NEBL: variants seen among roughly 807,000 people sequenced by gnomAD.
NEBL encodes LIM and SH3 protein 2.
A neutral mutation model predicts 140.2 loss-of-function variants in NEBL; 122 were observed. That is an observed-to-expected ratio of 0.87 (90% CI 0.75 to 1.01). The LOEUF (loss-of-function observed/expected upper bound fraction) is 1.01, where lower values mean the gene tolerates loss of function less well. Ranked by LOEUF, NEBL falls within the 50% of genes least tolerant of loss-of-function variation. The pLI is 0.00. For missense variants in NEBL, 1,365 were observed against 1,231.3 expected, an observed-to-expected ratio of 1.11 and a Z score of -1.62; for synonymous variants, 436 against 398.9, an observed-to-expected ratio of 1.09 and a Z score of -1.11.
intron 3 of NEBL, among the ~76,000 whole-genome samples, chr10:20,980,298 G>T (rs1337076528): frequency 6.7e-6 from 1 of 148,798 alleles, no homozygotes; most frequent in East Asian, 2.0e-4. Flanking sequence ...GTTTCTTTTT[G>T]TTCAGAAACA....
intron 2 of NEBL, among the ~76,000 whole-genome samples, chr10:21,251,361 A>G (rs190655668): frequency 6.6e-6 from 1 of 152,294 alleles, no homozygotes; most frequent in Admixed American, 6.5e-5. Context: ...TAGCCAGTTA[A>G]TGGTATCTCA....
At chr10:20,841,141 A>T (rs1841379923) in intron 12 of NEBL, among the ~76,000 whole-genome samples, 3 of 152,048 alleles carry the variant, frequency 2.0e-5, no homozygotes, top group Admixed American at 2.0e-4. Context: ...GGTGAGGAAG[A>T]TCTTAAGAAC....
chr10:20,893,288 A>T (rs1488597321), intron 2 of NEBL, among the ~76,000 whole-genome samples: 2 of 152,192 alleles, frequency 1.3e-5, no homozygotes, highest in Non-Finnish European at 2.9e-5. Flanking sequence ...TAACTTATTC[A>T]AGGGATTGAT....
chr10:20,808,463 C>CT, intron 26 of NEBL, 47 bp downstream of exon 26: 1 of 1,597,438 alleles, frequency 6.3e-7, no homozygotes, highest in South Asian at 1.1e-5. Context: ...TTGTGACACA[C>CT]TTAAAAAATG....
intron 3 of NEBL, among the ~76,000 whole-genome samples, chr10:20,998,657 G>T (rs1306152208): frequency 6.6e-6 from 1 of 152,040 alleles, no homozygotes; most frequent in Admixed American, 6.6e-5. Flanking sequence ...AGATGGCCAG[G>T]AAGAATAGAA....
chr10:21,229,369 C>T (rs771489008), intron 3 of NEBL, among the ~76,000 whole-genome samples: 5 of 152,208 alleles, frequency 3.3e-5, no homozygotes, highest in East Asian at 1.9e-4. Flanking sequence ...TGCAATGAGC[C>T]GTGATCATGC....
At chr10:20,897,415 C>G, upstream of NEBL, 6 of 1,313,404 alleles carry the variant, frequency 4.6e-6, no homozygotes, top group South Asian at 7.4e-5. Flanking sequence ...AGGCTGGCCT[C>G]ACAAGTGGAA....
chr10:21,190,096 T>C (rs1841548010), intron 3 of NEBL, among the ~76,000 whole-genome samples: 1 of 152,320 alleles, frequency 6.6e-6, no homozygotes, highest in East Asian at 1.9e-4. Context: ...TAGGATATCA[T>C]GGATAATTCA....
chr10:20,785,495 G>A lies in NEBL; in HGVS notation c.*252C>T, dbSNP rs754014348. ...CAGAAGGGTTCAATAGCCAATCAAAGGAAACCATGAACACAATTAGCAGCA... is the reference window on the plus strand; with the variant it reads ...CAGAAGGGTTCAATAGCCAATCAAAAGAAACCATGAACACAATTAGCAGCA... On this transcript the variant is annotated 3_prime_UTR_variant, in exon 28 of 28. Transcript: ENST00000377122. The A allele has an allele frequency of 4.4e-5, 23 of 527,812 alleles. No homozygotes were observed. In the East Asian group the frequency reaches 7.9e-4, roughly 18 times the overall value. 32.7% of individuals were successfully genotyped at this position (527,812 alleles called of 1,614,324 possible).
chr10:21,089,981 T>G (rs1836836592), intron 2 of NEBL, among the ~76,000 whole-genome samples: 1 of 152,174 alleles, frequency 6.6e-6, no homozygotes, highest in African/African-American at 2.4e-5. Flanking sequence ...GCCTCTATGT[T>G]GATGACTCCC....
intron 3 of NEBL, among the ~76,000 whole-genome samples, chr10:21,192,424 C>A (rs1841588216): frequency 6.6e-6 from 1 of 151,662 alleles, no homozygotes; most frequent in Non-Finnish European, 1.5e-5. Context: ...AATCTCCTGA[C>A]CTCATGATCT....
At chr10:20,859,115 T>G (rs968018010) in intron 8 of NEBL, among the ~76,000 whole-genome samples, 4 of 152,264 alleles carry the variant, frequency 2.6e-5, no homozygotes, top group Admixed American at 2.6e-4. Context: ...TATTTTCAAC[T>G]ATAGCAAAGT....
chr10:21,054,143 A>G lies in NEBL; in HGVS notation c.165-33942T>C, dbSNP rs185029047. On this transcript the variant is annotated intron_variant, in intron 2 of 6. Transcript: ENST00000417816. Reference sequence around the variant, plus strand: ...AAATTTTTGCAAAAATGTGTTTCAAATAAATTTTTTAATGACTCATCAAAT... The same window carrying G: ...AAATTTTTGCAAAAATGTGTTTCAAGTAAATTTTTTAATGACTCATCAAAT... 6.5e-3 allele frequency among the ~76,000 whole-genome samples: 997 copies of G among 152,382 alleles called. 3 individuals carry two copies. The highest frequency in any genetic ancestry group is 7.7e-3 in the Non-Finnish European group (522 of 68,038).
intron 2 of NEBL, among the ~76,000 whole-genome samples, chr10:21,133,356 C>T (rs1589267904): frequency 6.6e-6 from 1 of 152,228 alleles, no homozygotes; most frequent in African/African-American, 2.4e-5. Flanking sequence ...CCAGGCTTAG[C>T]GGAGGGGGCT....
At chr10:21,205,930 A>G (rs1841817732) in intron 3 of NEBL, among the ~76,000 whole-genome samples, 1 of 152,248 alleles carries the variant, frequency 6.6e-6, no homozygotes, top group African/African-American at 2.4e-5. Flanking sequence ...ATATAATTTC[A>G]CAATGCATCA....
chr10:20,887,422 T>A lies in NEBL; in HGVS notation c.369+675A>T, dbSNP rs906494297. Reference sequence around the variant, plus strand: ...ATCCTGAATTCAACCTTTTTTTTTTTTTTTTTTTTTTTTTGAGACAGAGGC... The same window carrying A: ...ATCCTGAATTCAACCTTTTTTTTTTATTTTTTTTTTTTTTGAGACAGAGGC... On this transcript the variant is annotated intron_variant, in intron 4 of 27. Coordinates refer to ENST00000377122, the MANE Select transcript of NEBL (RefSeq NM_006393.3). 2.4e-3 allele frequency among the ~76,000 whole-genome samples: 347 copies of A among 143,882 alleles called. 10 individuals are homozygous for A. In the East Asian group the frequency reaches 0.052, roughly 22 times the overall value. 94.4% of individuals were successfully genotyped at this position (143,882 alleles called of 152,430 possible).
chr10:20,839,467 T>C (rs1460709634), intron 13 of NEBL, among the ~76,000 whole-genome samples: 1 of 152,130 alleles, frequency 6.6e-6, no homozygotes, highest in African/African-American at 2.4e-5. Flanking sequence ...TGATTTCCTT[T>C]TGGGAAATGA....
chr10:20,910,994 C>A (rs1199127592), intron 4 of NEBL, among the ~76,000 whole-genome samples: 1 of 151,606 alleles, frequency 6.6e-6, no homozygotes, highest in East Asian at 1.9e-4. Flanking sequence ...ACAGCAAGAC[C>A]CTGTCTCTAA....
In NEBL at chr10:21,065,729, C is replaced by T. The variant is rs545781537; in HGVS notation, c.165-45528G>A. Among the ~76,000 whole-genome samples, 189 of 152,276 alleles carry T rather than the reference C, an allele frequency of 1.2e-3. 1 individual carries two copies. The highest frequency in any genetic ancestry group is 3.4e-3 in the Middle Eastern group (1 of 294). ...CTGCCACTCTATATTAGTCTTTAATCCTGCAGCTGAAAAGCCCCAGGGGCT... is the reference window on the plus strand; with the variant it reads ...CTGCCACTCTATATTAGTCTTTAATTCTGCAGCTGAAAAGCCCCAGGGGCT... On this transcript the variant is annotated intron_variant, in intron 2 of 6. Coordinates refer to the NEBL transcript ENST00000417816.
Sources: allele counts gnomAD v4.1 joint callset (sites outside exome capture counted in the v4.1 genomes callset), GRCh38; gene constraint gnomAD v4.1.1; transcripts MANE v1.5; gene names NCBI Gene and HGNC (gene_info 2026-07-23, HGNC 2026-07-21).